The following IQCM variants were observed in gnomAD, a reference collection of about 807,000 sequenced individuals.
The protein encoded by IQCM is IQ domain-containing protein M.
Under a neutral mutation model 57.6 loss-of-function variants are expected in IQCM, and 45 were observed. The observed-to-expected ratio is 0.78, with a 90% CI of 0.62 to 1.00. The LOEUF is 1.00. IQCM is among the 50% of genes least tolerant of loss of function. The pLI, the probability that IQCM is intolerant of heterozygous loss-of-function variation, is 0.00. For missense variants in IQCM, 468 were observed against 511.6 expected (o/e 0.91, Z 0.82); for synonymous variants, 148 against 158.9 (o/e 0.93, Z 0.51).
chr4:149,578,279 T>C (rs899750390), intron 9 of IQCM, among the ~76,000 whole-genome samples: 2 of 151,792 alleles, frequency 1.3e-5, no homozygotes, highest in African/African-American at 4.8e-5. Context: ...AGTTAATATA[T>C]AATGCATTTT....
intron 12 of IQCM, among the ~76,000 whole-genome samples, chr4:149,502,684 C>T (rs919268712): frequency 3.3e-5 from 5 of 151,272 alleles, no homozygotes; most frequent in African/African-American, 1.2e-4. Context: ...AAAAACCAAG[C>T]CAAACAAAAC....
At chr4:149,746,186 C>T (rs1357614650) in intron 2 of IQCM, among the ~76,000 whole-genome samples, 1 of 152,120 alleles carries the variant, frequency 6.6e-6, no homozygotes, top group Admixed American at 6.6e-5. Flanking sequence ...CACTGTCCCT[C>T]CACCTCAATC....
chr4:149,595,296 T>G lies in IQCM; in HGVS notation c.682-7299A>C, dbSNP rs897435996. Among the ~76,000 whole-genome samples the G allele has an allele frequency of 1.9e-4, 29 of 152,230 alleles. No individual in the cohort carries two copies. In the East Asian group the frequency reaches 2.1e-3, roughly 11 times the overall value. On this transcript the variant is annotated intron_variant, in intron 8 of 13. Transcript: ENST00000636793. Reference sequence around the variant, plus strand: ...TTGCAACCCCTGCTTTTTTTTGTTTTCCATTTGCTTGGTAGATCTTCCTCC... The same window carrying G: ...TTGCAACCCCTGCTTTTTTTTGTTTGCCATTTGCTTGGTAGATCTTCCTCC...
intron 2 of IQCM, among the ~76,000 whole-genome samples, chr4:149,791,270 T>G (rs1478580848): frequency 2.6e-5 from 4 of 152,166 alleles, no homozygotes; most frequent in Admixed American, 6.5e-5. Context: ...CTCATTATTT[T>G]TAACTAGAAA....
intron 9 of IQCM, among the ~76,000 whole-genome samples, chr4:149,581,510 A>C (rs1752180483): frequency 6.6e-6 from 1 of 151,730 alleles, no homozygotes; most frequent in Admixed American, 6.6e-5. Flanking sequence ...AAAGAACAGG[A>C]AGGAAGGAGA....
chr4:149,717,104 T>A lies in IQCM; in HGVS notation c.385+16140A>T, dbSNP rs193147297. Among the ~76,000 whole-genome samples the A allele has an allele frequency of 3.0e-4, 46 of 152,320 alleles. No individual in the cohort carries two copies. In the East Asian group the frequency reaches 6.9e-3, roughly 23 times the overall value. ...TCCTTTATCAACAAATTGGTAAACT[T>A]AGGTAAGGTGTTTCCCTGCATTCTG... On this transcript the variant is annotated intron_variant, in intron 5 of 13. Transcript: ENST00000636793.
At chr4:149,637,111 C>G (rs1757789776) in intron 7 of IQCM, among the ~76,000 whole-genome samples, 1 of 147,232 alleles carries the variant, frequency 6.8e-6, no homozygotes, top group African/African-American at 2.5e-5. Context: ...CCACTGCAGT[C>G]CGCAGTCCGG....
intron 12 of IQCM, among the ~76,000 whole-genome samples, chr4:149,546,451 T>C (rs1386308051): frequency 6.6e-6 from 1 of 152,232 alleles, no homozygotes; most frequent in African/African-American, 2.4e-5. Context: ...GTAAAAGTGT[T>C]ACTATTTCTC....
intron 7 of IQCM, among the ~76,000 whole-genome samples, chr4:149,649,207 T>G (rs1451942464): frequency 6.6e-6 from 1 of 151,956 alleles, no homozygotes; most frequent in Non-Finnish European, 1.5e-5. Context: ...CTCCTTTTCT[T>G]AAGGAGGGGT....
intron 8 of IQCM, among the ~76,000 whole-genome samples, chr4:149,606,948 G>A (rs555727797): frequency 6.6e-6 from 1 of 152,098 alleles, no homozygotes; most frequent in South Asian, 2.1e-4. Flanking sequence ...AGAGTTACTG[G>A]CCTTAAAGAA....
intron 12 of IQCM, among the ~76,000 whole-genome samples, chr4:149,507,794 T>A (rs755727277): frequency 2.1e-4 from 32 of 152,132 alleles, no homozygotes; most frequent in Non-Finnish European, 4.1e-4. Flanking sequence ...AACAACTGAA[T>A]GTTAATCCCC....
chr4:149,557,789 C>G (rs968984626), intron 10 of IQCM, among the ~76,000 whole-genome samples: 1 of 152,212 alleles, frequency 6.6e-6, no homozygotes. Context: ...CCCCTCCAAT[C>G]TCCTTAAAGT....
rs912757235 is a variant in IQCM at position 149,382,111 on chromosome 4, T to G, written c.1391-30045A>C. On this transcript the variant is annotated intron_variant, in intron 13 of 13. Transcript: ENST00000636793. ...GCATTTTCTTCATTTTTAATTTTTT[T>G]GTTTCTCTCTACTAAAATATAAACT... 2.3e-4 allele frequency among the ~76,000 whole-genome samples: 35 copies of G among 152,270 alleles called. 1 individual carries two copies. Among genetic ancestry groups the G allele is most frequent in the African/African-American group, 7.5e-4 (31 of 41,554 alleles).
Position 149,676,808 on chromosome 4 carries a change from T to G in IQCM, c.565+5310A>C, listed in dbSNP as rs533719954. On this transcript the variant is annotated intron_variant, in intron 7 of 13. Transcript: ENST00000636793. ...TTCTTTTTCCTTTAATAAGAATAAT[T>G]CTTTATTCTAAAGAAGAATTGAGGA... Among the ~76,000 whole-genome samples the G allele has an allele frequency of 1.4e-4, 22 of 152,154 alleles. 1 individual carries two copies. Among genetic ancestry groups the G allele is most frequent in the Middle Eastern group, 3.4e-3 (1 of 294 alleles).
intron 12 of IQCM, among the ~76,000 whole-genome samples, chr4:149,517,903 T>C (rs1165299665): frequency 6.6e-6 from 1 of 152,196 alleles, no homozygotes; most frequent in Admixed American, 6.5e-5. Context: ...AGATGGCCTA[T>C]TGTGGGACCT....
chr4:149,617,100 C>A (rs1356371312), intron 8 of IQCM, among the ~76,000 whole-genome samples: 2 of 151,940 alleles, frequency 1.3e-5, no homozygotes, highest in Non-Finnish European at 2.9e-5. Flanking sequence ...GGATTACAGG[C>A]ATGTGCCACC....
intron 5 of IQCM, among the ~76,000 whole-genome samples, chr4:149,721,367 T>C (rs1294677617): frequency 1.3e-5 from 2 of 152,104 alleles, no homozygotes; most frequent in African/African-American, 4.8e-5. Context: ...TGGTGAAGTC[T>C]TGAATTTTAG....
At chr4:149,795,197 A>G (rs909139515) in intron 2 of IQCM, among the ~76,000 whole-genome samples, 16 of 152,192 alleles carry the variant, frequency 1.1e-4, no homozygotes, top group Admixed American at 3.3e-4. Flanking sequence ...GATCATGTTT[A>G]AACAGGGCAT....
In IQCM at chr4:149,639,439, A is replaced by AG. The variant is rs1554012984; in HGVS notation, c.566-18196_566-18195insC. ...AGATCCTGTCTTAAAAAAAAAAAAA[A>AG]AAGAAGAAGAAGAAGAAGGAGAAGG... is the stretch of plus-strand genomic sequence containing the variant. On this transcript the variant is annotated intron_variant, in intron 7 of 13. Coordinates refer to ENST00000636793, the MANE Select transcript of IQCM (RefSeq NM_001363507.2). 5.1e-4 allele frequency among the ~76,000 whole-genome samples: 78 copies of AG among 151,504 alleles called. 2 individuals are homozygous for AG. The highest frequency in any genetic ancestry group is 1.7e-3 in the African/African-American group (72 of 41,336).
Sources: gnomAD v4.1 joint callset for allele counts (sites outside exome capture counted in the v4.1 genomes callset) on GRCh38, gnomAD v4.1.1 for gene constraint, MANE v1.5 for transcripts, NCBI Gene and HGNC (gene_info 2026-07-23, HGNC 2026-07-21) for gene names.